The following PTDSS1 variants were observed in gnomAD, a reference collection of about 807,000 sequenced individuals.
PTDSS1 encodes the protein PSS-1.
In PTDSS1, 45 loss-of-function variants were observed where a neutral mutation model predicts 70.5. The ratio of observed to expected loss-of-function variants is 0.64; its 90% confidence interval spans 0.50 to 0.82. The LOEUF (loss-of-function observed/expected upper bound fraction) is 0.82, where lower values mean the gene tolerates loss of function less well. PTDSS1 is among the 40% of genes least tolerant of loss of function. The pLI, the probability that PTDSS1 is intolerant of heterozygous loss-of-function variation, is 0.00. For missense variants in PTDSS1, 417 were observed against 586.1 expected (o/e 0.71, Z 2.98); for synonymous variants, 188 against 203.8 (o/e 0.92, Z 0.66).
intron 10 of PTDSS1, among the ~76,000 whole-genome samples, chr8:96,329,557 G>A (rs1811483893): frequency 6.6e-6 from 1 of 152,168 alleles, no homozygotes; most frequent in Admixed American, 6.5e-5. Context: ...TGGAGTAGAG[G>A]TTGTCCCTGC....
Position 96,281,593 on chromosome 8 carries a change from G to A in PTDSS1, c.272-2516G>A, listed in dbSNP as rs59704850. 4.5e-3 allele frequency among the ~76,000 whole-genome samples: 688 copies of A among 152,134 alleles called. 13 individuals are homozygous for A. Among genetic ancestry groups the A allele is most frequent in the Admixed American group, 0.031 (471 of 15,268 alleles). On this transcript the variant is annotated intron_variant, in intron 2 of 12. Transcript: ENST00000517309. Reference sequence around the variant, plus strand: ...AGTTCCACATTATGGTAAAGCCTGCGCCATGCCTTTCCCCCTGTTGCATCG... The same window carrying A: ...AGTTCCACATTATGGTAAAGCCTGCACCATGCCTTTCCCCCTGTTGCATCG...
chr8:96,267,189 T>C (rs934631503), intron 1 of PTDSS1, among the ~76,000 whole-genome samples: 1 of 152,236 alleles, frequency 6.6e-6, no homozygotes, highest in African/African-American at 2.4e-5. Flanking sequence ...TTTTCAGTCT[T>C]AACTAATCCC....
chr8:96,268,691 C>CT (rs1810520777), intron 1 of PTDSS1, among the ~76,000 whole-genome samples: 1 of 148,656 alleles, frequency 6.7e-6, no homozygotes, highest in Non-Finnish European at 1.5e-5. Flanking sequence ...GCTGTTAAGA[C>CT]TTTGTCTCTT....
chr8:96,273,371 T>C lies in PTDSS1; in HGVS notation c.252T>C (p.Ser84=), dbSNP rs1189363198. 6.2e-7 allele frequency: 1 copy of C among 1,611,830 alleles called. No homozygotes were observed. The highest frequency in any genetic ancestry group is 1.3e-5 in the African/African-American group (1 of 74,874). ...TTATTTTCTTCTTTCTTATCATCAG[T>C]GTGTTAGCTTTCCCCAATGGTAAGT... is the stretch of plus-strand genomic sequence containing the variant. The part of the protein sequence containing the change: ...LSVIFFFLII[S]VLAFPNGPFT... Residue 84 remains serine, a synonymous_variant, in exon 2 of 13, where the codon AGT becomes AGC. Coordinates refer to ENST00000517309, the MANE Select transcript of PTDSS1 (RefSeq NM_014754.3).
At chr8:96,280,976 G>A (rs1810726799) in intron 2 of PTDSS1, among the ~76,000 whole-genome samples, 1 of 152,164 alleles carries the variant, frequency 6.6e-6, no homozygotes, top group Non-Finnish European at 1.5e-5. Context: ...TGACATGAAT[G>A]TTCACAGGAT....
At position 96,333,758 on chromosome 8, in the gene PTDSS1, TG is replaced by T. The variant is rs1563589615; in HGVS notation, c.*198del. On this transcript the variant is annotated 3_prime_UTR_variant, in exon 13 of 13. Transcript: ENST00000517309. Reference sequence around the variant, plus strand: ...TGGCCGCGTCAGGCAGATCATCGCCTGGGGGGCCTTTGCCAACGTGGGGTCT... The same window carrying T: ...TGGCCGCGTCAGGCAGATCATCGCCTGGGGGCCTTTGCCAACGTGGGGTCT... The T allele has an allele frequency of 1.4e-6, 1 of 715,984 alleles. No homozygotes were observed. Among genetic ancestry groups the T allele is most frequent in the East Asian group, 2.7e-5 (1 of 37,292 alleles). 44.4% of individuals were successfully genotyped at this position (715,984 alleles called of 1,614,324 possible).
chr8:96,306,821 G>A (rs151163305), intron 8 of PTDSS1, among the ~76,000 whole-genome samples: 3 of 152,108 alleles, frequency 2.0e-5, no homozygotes, highest in Non-Finnish European at 2.9e-5. Context: ...TTGGACTGCC[G>A]ATCTTTTTTT....
At position 96,304,051 on chromosome 8, in the gene PTDSS1, C is replaced by A; in HGVS notation, c.764C>A (p.Thr255Asn). ...TTCTCTTCTTACAGGGACATTCATA[C>A]CACCACCGGGAAGATCAAGAGAGCT... ...YHWASFKDIH[T>N]TTGKIKRAVL... Residue 255 changes from threonine (T) to asparagine (N), a missense_variant, in exon 7 of 13, where the codon ACC becomes AAC. By Grantham distance (65) the Thr-to-Asn change is moderately conservative. Around this residue, in one of 3 missense-constraint regions of PTDSS1, gnomAD observed 272 missense variants for 429.5 expected, o/e 0.63. Coordinates refer to ENST00000517309, the MANE Select transcript of PTDSS1 (RefSeq NM_014754.3). 1 of 1,609,928 alleles carries A rather than the reference C, an allele frequency of 6.2e-7. No homozygotes were observed.
intron 1 of PTDSS1, among the ~76,000 whole-genome samples, chr8:96,266,467 A>G (rs370558108): frequency 6.6e-6 from 1 of 152,194 alleles, no homozygotes; most frequent in East Asian, 1.9e-4. Context: ...TCATTGGGGC[A>G]TACTTGTGGC....
At chr8:96,330,327 C>G in intron 11 of PTDSS1, 46 bp downstream of exon 11, 1 of 1,552,236 alleles carries the variant, frequency 6.4e-7, no homozygotes, top group Non-Finnish European at 8.8e-7. Flanking sequence ...AATAATCACC[C>G]CGGGCTCGGC....
At chr8:96,263,382 TTAGAG>T (rs1810440206) in intron 1 of PTDSS1, among the ~76,000 whole-genome samples, 1 of 151,634 alleles carries the variant, frequency 6.6e-6, no homozygotes, top group Non-Finnish European at 1.5e-5. Flanking sequence ...AAAGGCCAAC[TTAGAG>T]TAGAGTAGTT....
In PTDSS1 at chr8:96,311,182, T is replaced by A. The variant is rs187701278; in HGVS notation, c.1073+1560T>A. On this transcript the variant is annotated intron_variant, in intron 9 of 12. Coordinates refer to ENST00000517309, the MANE Select transcript of PTDSS1 (RefSeq NM_014754.3). ...CTTGAATATCTCAAGTAAGTTGTTT[T>A]TCTACTTAACATCAGCAACAATTTA... is the stretch of plus-strand genomic sequence containing the variant. Among the ~76,000 whole-genome samples the A allele has an allele frequency of 3.3e-3, 510 of 152,344 alleles. 1 individual carries two copies. The highest frequency in any genetic ancestry group is 5.8e-3 in the Admixed American group (88 of 15,298).
chr8:96,287,847 T>C (rs1215550276), intron 4 of PTDSS1, among the ~76,000 whole-genome samples: 1 of 152,240 alleles, frequency 6.6e-6, no homozygotes, highest in Non-Finnish European at 1.5e-5. Context: ...TTCTCTTCAC[T>C]GACGGTGAAC....
chr8:96,284,249 A>C, intron 3 of PTDSS1, 96 bp downstream of exon 3: 5 of 1,150,352 alleles, frequency 4.3e-6, no homozygotes, highest in Non-Finnish European at 5.0e-6. Flanking sequence ...CTCAATAGTT[A>C]AAACTTTATT....
At chr8:96,295,408 C>T (rs1232806010) in intron 5 of PTDSS1, 152 bp downstream of exon 5, 1 of 864,298 alleles carries the variant, frequency 1.2e-6, no homozygotes. Flanking sequence ...ATATTTAATA[C>T]TTCTGTTTAA....
chr8:96,294,103 C>CA (rs1185882584), intron 4 of PTDSS1, among the ~76,000 whole-genome samples: 3 of 152,264 alleles, frequency 2.0e-5, no homozygotes, highest in African/African-American at 4.8e-5. Flanking sequence ...TACTGCTTCT[C>CA]AAAAAATAGA....
At chr8:96,276,970 G>GCACACACACACACA (rs1295032798) in intron 2 of PTDSS1, among the ~76,000 whole-genome samples, 6 of 115,506 alleles carry the variant, frequency 5.2e-5, no homozygotes, top group African/African-American at 1.9e-4. Context: ...ATACACGCGC[G>GCACACACACACACA]CACGCGCGCG....
In PTDSS1 at chr8:96,262,296, G is replaced by A; in HGVS notation, c.179+77G>A. 3 of 1,450,428 alleles carry A rather than the reference G, an allele frequency of 2.1e-6. No homozygotes were observed. The highest frequency in any genetic ancestry group is 2.4e-5 in the East Asian group (1 of 41,864). 89.8% of individuals were successfully genotyped at this position (1,450,428 alleles called of 1,614,324 possible). On this transcript the variant is annotated intron_variant, in intron 1 of 12. Coordinates refer to ENST00000517309, the MANE Select transcript of PTDSS1 (RefSeq NM_014754.3). The surrounding 1 kb of genome is among the most constrained non-coding windows in gnomAD (Gnocchi z 4.4). Reference sequence around the variant, plus strand: ...GGGAGGGAGGGTGGCGGGGAGGGGGGCCCGGCATGGCTCTGGGTGAGGAAG... The same window carrying A: ...GGGAGGGAGGGTGGCGGGGAGGGGGACCCGGCATGGCTCTGGGTGAGGAAG...
chr8:96,332,005 G>A (rs926873460), intron 12 of PTDSS1, among the ~76,000 whole-genome samples: 10 of 92,242 alleles, frequency 1.1e-4, no homozygotes, highest in African/African-American at 1.8e-4. Context: ...GACAGAACAA[G>A]TCCCTGCCTC....
Sources: allele counts gnomAD v4.1 joint callset (sites outside exome capture counted in the v4.1 genomes callset), GRCh38; gene constraint gnomAD v4.1.1; regional missense constraint gnomAD v4.1.1; non-coding constraint Gnocchi (gnomAD v3.1); transcripts MANE v1.5; gene names NCBI Gene and HGNC (gene_info 2026-07-23, HGNC 2026-07-21).